TTC23L: variants seen among roughly 807,000 people sequenced by gnomAD.
TTC23L encodes the protein tetratricopeptide repeat protein 23-like.
TTC23L carries 42 observed loss-of-function variants against 48.1 expected under a neutral mutation model. That is an observed-to-expected ratio of 0.87 (90% CI 0.68 to 1.13). TTC23L has a LOEUF of 1.13. Among genes scored for constraint, TTC23L ranks in the 50% most tolerant of loss-of-function variants. TTC23L has a pLI of 0.00. For missense variants in TTC23L, 391 were observed against 421.0 expected (o/e 0.93, Z 0.62); for synonymous variants, 159 against 157.2 (o/e 1.01, Z -0.09).
downstream of TTC23L, among the ~76,000 whole-genome samples, chr5:34,901,453 C>G (rs1035134808): frequency 1.3e-5 from 2 of 152,098 alleles, no homozygotes; most frequent in Non-Finnish European, 2.9e-5. Context: ...CAGAAAGGAC[C>G]ATTTTATTTT....
At chr5:34,884,797 A>G (rs1007559891) in intron 9 of TTC23L, among the ~76,000 whole-genome samples, 1 of 152,226 alleles carries the variant, frequency 6.6e-6, no homozygotes, top group Non-Finnish European at 1.5e-5. Flanking sequence ...TTCCTACTCT[A>G]AAAAATGCAA....
At chr5:34,890,441 CAAAAA>C (rs57798773) in intron 9 of TTC23L, among the ~76,000 whole-genome samples, 577 of 56,672 alleles carry the variant, frequency 0.01, 7 homozygotes, top group East Asian at 0.091. Flanking sequence ...GACCCTGTCT[CAAAAA>C]AAAAAAAAAA....
chr5:34,868,905 G>A, exon 8 of TTC23L: 2 of 1,602,810 alleles, frequency 1.2e-6, no homozygotes, highest in Non-Finnish European at 1.7e-6. Context: ...TTTATTCCAG[G>A]CTCATTCTGT....
At chr5:34,909,405 C>T in the TTC23L span, 3 of 1,293,996 alleles carry the variant, frequency 2.3e-6, no homozygotes, top group Non-Finnish European at 1.1e-6. Context: ...AAATAAACCA[C>T]ATTAGGATCC....
At chr5:34,915,758 A>G in the TTC23L span, 4 of 1,603,580 alleles carry the variant, frequency 2.5e-6, no homozygotes, top group East Asian at 6.7e-5. Context: ...ACCAAGAGGA[A>G]ACGGCGTGGA....
At chr5:34,860,000 C>T (rs1034401067) in intron 4 of TTC23L, among the ~76,000 whole-genome samples, 1 of 151,658 alleles carries the variant, frequency 6.6e-6, no homozygotes, top group African/African-American at 2.4e-5. Context: ...CCCGCCACCA[C>T]GCCTGGCTAA....
At chr5:34,867,041 A>G in exon 7 of TTC23L, 7 of 1,611,898 alleles carry the variant, frequency 4.3e-6, no homozygotes, top group Non-Finnish European at 5.9e-6. Flanking sequence ...AGGAGGAACC[A>G]CAACCAGGCC....
intron 7 of TTC23L, 81 bp downstream of exon 7, chr5:34,867,150 T>G: frequency 7.2e-7 from 1 of 1,383,248 alleles, no homozygotes; most frequent in Non-Finnish European, 1.0e-6. Flanking sequence ...AAGCATGGGC[T>G]TCTCAGAAGA....
Position 34,864,430 on chromosome 5 carries a change from A to C in TTC23L, c.537-7A>C, listed in dbSNP as rs369301385. 6.2e-7 allele frequency: 1 copy of C among 1,613,358 alleles called. No homozygotes were observed. Among genetic ancestry groups the C allele is most frequent in the African/African-American group, 1.3e-5 (1 of 74,880 alleles). On this transcript the variant is annotated splice_polypyrimidine_tract_variant and splice_region_variant and intron_variant, in intron 5 of 10. Transcript: ENST00000505624. ...TGAGTGCTTGCCATTTTCCTTGACT[A>C]TTTCACTGGCAGAGAAGCCTATTTC...
At chr5:34,879,392 G>A (rs1008466247) in intron 8 of TTC23L, among the ~76,000 whole-genome samples, 7 of 152,106 alleles carry the variant, frequency 4.6e-5, no homozygotes, top group Admixed American at 2.6e-4. Context: ...TGATATAAAC[G>A]TATTATGTTT....
intron 8 of TTC23L, among the ~76,000 whole-genome samples, chr5:34,870,205 T>G (rs950952013): frequency 6.6e-6 from 1 of 151,978 alleles, no homozygotes; most frequent in South Asian, 2.1e-4. Flanking sequence ...TAACATTTTA[T>G]GCACCAAAAC....
At chr5:34,914,886 G>A in the TTC23L span, 14 of 1,614,122 alleles carry the variant, frequency 8.7e-6, no homozygotes, top group Non-Finnish European at 1.1e-5. Context: ...TGGGTCAGAA[G>A]GGGCATCGTC....
intron 9 of TTC23L, among the ~76,000 whole-genome samples, chr5:34,890,657 A>T (rs142082586): frequency 6.6e-6 from 1 of 152,174 alleles, no homozygotes; most frequent in Non-Finnish European, 1.5e-5. Flanking sequence ...CTGAAGTTTT[A>T]TGATTTACTG....
At chr5:34,902,025 ACTTT>A (rs1256733321), downstream of TTC23L, among the ~76,000 whole-genome samples, 1 of 152,194 alleles carries the variant, frequency 6.6e-6, no homozygotes, top group African/African-American at 2.4e-5. Context: ...AATATTCCTT[ACTTT>A]CTTGTGAATT....
At chr5:34,893,981 T>A (rs1262713361) in intron 9 of TTC23L, among the ~76,000 whole-genome samples, 1 of 152,088 alleles carries the variant, frequency 6.6e-6, no homozygotes, top group Non-Finnish European at 1.5e-5. Context: ...ATCGTTTTTG[T>A]GGTAATGAAA....
At chr5:34,911,767 G>C in the TTC23L span, 1 of 1,614,096 alleles carries the variant, frequency 6.2e-7, no homozygotes, top group African/African-American at 1.3e-5. Context: ...CAGCATCAAA[G>C]GGTAACCATA....
the TTC23L span, chr5:34,913,665 A>T: frequency 1.4e-6 from 1 of 740,390 alleles, no homozygotes; most frequent in Non-Finnish European, 2.2e-6. Context: ...ATACGTTTAA[A>T]AAATACAATA....
At chr5:34,899,756 GT>G, downstream of TTC23L, among the ~76,000 whole-genome samples, 1 of 152,308 alleles carries the variant, frequency 6.6e-6, no homozygotes, top group African/African-American at 2.4e-5. Flanking sequence ...GCTGGGCGTG[GT>G]GACACATGCC....
At chr5:34,910,805 T>G in the TTC23L span, among the ~76,000 whole-genome samples, 1 of 152,246 alleles carries the variant, frequency 6.6e-6, no homozygotes, top group African/African-American at 2.4e-5. Context: ...TTTAGGGGCT[T>G]TAATATTCTG....
Sources: gnomAD v4.1 joint callset for allele counts (sites outside exome capture counted in the v4.1 genomes callset) on GRCh38, gnomAD v4.1.1 for gene constraint, MANE v1.5 for transcripts, NCBI Gene and HGNC (gene_info 2026-07-23, HGNC 2026-07-21) for gene names.